MINAR1: variants seen among roughly 807,000 people sequenced by gnomAD.
MINAR1 encodes membrane integral NOTCH2 associated receptor 1.
MINAR1 carries 40 observed loss-of-function variants against 65.1 expected under a neutral mutation model. The ratio of observed to expected loss-of-function variants is 0.61; its 90% CI spans 0.48 to 0.80. The LOEUF is 0.80. Among genes scored for constraint, MINAR1 ranks in the 30% least tolerant of loss-of-function variants. MINAR1 has a pLI of 0.00. For synonymous variants in MINAR1, 482 were observed against 449.1 expected, an observed-to-expected ratio of 1.07 and a Z score of -0.93; for missense variants, 1,128 against 1,148.0, an observed-to-expected ratio of 0.98 and a Z score of 0.25.
intron 2 of MINAR1, among the ~76,000 whole-genome samples, chr15:79,458,822 G>A (rs1421023312): frequency 6.6e-6 from 1 of 152,172 alleles, no homozygotes; most frequent in Non-Finnish European, 1.5e-5. Context: ...GTACACGAGG[G>A]AAAATACTGA....
intron 1 of MINAR1, among the ~76,000 whole-genome samples, chr15:79,444,544 A>G (rs1894957491): frequency 6.6e-6 from 1 of 151,914 alleles, no homozygotes; most frequent in African/African-American, 2.4e-5. Context: ...TCAACCTTTT[A>G]TTCCACTATT....
chr15:79,442,039 A>T (rs190355448), intron 1 of MINAR1, among the ~76,000 whole-genome samples: 17 of 144,412 alleles, frequency 1.2e-4, no homozygotes, highest in Admixed American at 1.1e-3. Context: ...TGTTTTTTCA[A>T]GGTTTTTTTA....
chr15:79,449,710 ACTT>A (rs551316797), intron 1 of MINAR1, among the ~76,000 whole-genome samples: 63 of 152,294 alleles, frequency 4.1e-4, no homozygotes, highest in Admixed American at 1.6e-3. Context: ...TAAAGGTCCT[ACTT>A]CTTAAAACTA....
At chr15:79,449,858 G>A (rs1013486730) in intron 1 of MINAR1, among the ~76,000 whole-genome samples, 9 of 152,112 alleles carry the variant, frequency 5.9e-5, no homozygotes, top group African/African-American at 1.9e-4. Flanking sequence ...GCCCTGTACC[G>A]TCATGCCTTC....
chr15:79,463,386 G>T lies in MINAR1; in HGVS notation c.2553+65G>T, dbSNP rs1051853838. ...GTGCCCTGGCAAATGCCCTGGAATG[G>T]ATCACGGACGGCTTAGACCGGCCAG... is the stretch of plus-strand genomic sequence containing the variant. On this transcript the variant is annotated intron_variant, in intron 3 of 3. Transcript: ENST00000305428. 7.0e-6 allele frequency: 11 copies of T among 1,578,344 alleles called. No homozygotes were observed. The African/African-American group carries it at 1.3e-4, about 19-fold the overall frequency.
chr15:79,463,133 G>T lies in MINAR1; in HGVS notation c.2365G>T (p.Val789Leu), dbSNP rs573792949. 3 of 1,614,052 alleles carry T rather than the reference G, an allele frequency of 1.9e-6. No individual in the cohort carries two copies. The African/African-American group carries it at 4.0e-5, about 22-fold the overall frequency. Residue 789 changes from valine (V) to leucine (L), a missense_variant, in exon 3 of 4, where the codon GTG becomes TTG. Physicochemically the swap from Val to Leu is conservative, Grantham distance 32. Transcript: ENST00000305428. Reference protein sequence around the residue: ...LPKQPKDGFLVEQVFSPHPYP... With the variant: ...LPKQPKDGFLLEQVFSPHPYP... ...CAAGCAGCCCAAAGATGGCTTCCTGGTGGAGCAGGTGTTCAGCCCTCACCC... is the reference window on the plus strand; with the variant it reads ...CAAGCAGCCCAAAGATGGCTTCCTGTTGGAGCAGGTGTTCAGCCCTCACCC...
chr15:79,457,439 A>G lies in MINAR1; in HGVS notation c.1292A>G (p.Lys431Arg). 6.2e-7 allele frequency: 1 copy of G among 1,614,236 alleles called. No homozygotes were observed. Among genetic ancestry groups the G allele is most frequent in the Non-Finnish European group, 8.5e-7 (1 of 1,180,046 alleles). ...ATTCTCCCCATTGCTTATGCGGCAA[A>G]ACAAAATGGGCTCAAATCTAAAGAG... The part of the protein sequence containing the change: ...QPILPIAYAA[K>R]QNGLKSKEIS... Residue 431 changes from lysine (K) to arginine (R), a missense_variant, in exon 2 of 4, where the codon AAA becomes AGA. Transcript: ENST00000305428.
At chr15:79,435,908 C>G (rs1026541840) in intron 1 of MINAR1, among the ~76,000 whole-genome samples, 2 of 152,222 alleles carry the variant, frequency 1.3e-5, no homozygotes, top group Non-Finnish European at 2.9e-5. Flanking sequence ...TTCTGGCTGT[C>G]TCTGCTTCTG....
chr15:79,435,548 G>A (rs1004839734), intron 1 of MINAR1, among the ~76,000 whole-genome samples: 3 of 152,224 alleles, frequency 2.0e-5, no homozygotes, highest in East Asian at 1.9e-4. Flanking sequence ...CCCCTACAAT[G>A]TCAGCTCTGG....
At position 79,457,456 on chromosome 15, in the gene MINAR1, T is replaced by G. The variant is rs1425744853; in HGVS notation, c.1309T>G (p.Ser437Ala). The G allele has an allele frequency of 8.1e-6, 13 of 1,614,118 alleles. No individual in the cohort carries two copies. The highest frequency in any genetic ancestry group is 1.1e-5 in the South Asian group (1 of 91,076). ...TGCGGCAAAACAAAATGGGCTCAAA[T>G]CTAAAGAGATCTCATCCCCTGTTGA... Reference protein sequence around the residue: ...AYAAKQNGLKSKEISSPVDLE... With the variant: ...AYAAKQNGLKAKEISSPVDLE... Residue 437 changes from serine to alanine, a missense_variant, in exon 2 of 4, where the codon TCT (serine) becomes GCT (alanine). Transcript: ENST00000305428.
At position 79,468,337 on chromosome 15, in the gene MINAR1, A is replaced by G; in HGVS notation, c.2704A>G (p.Thr902Ala). ...TGCTCTGATCGCTGCTGCGGCATGC[A>G]CCGTCATCCTCGTTATTGTCGTGCC... ...IAALIAAAAC[T>A]VILVIVVPIC... is the part of the protein sequence containing the mutation. The change falls in exon 4 of 4, where the codon ACC becomes GCC. Residue 902 changes from threonine to alanine, a missense_variant. Thr to Ala is a moderately conservative substitution (Grantham distance 58). Coordinates refer to ENST00000305428, the MANE Select transcript of MINAR1 (RefSeq NM_015206.3). 1.2e-6 allele frequency: 2 copies of G among 1,614,158 alleles called. No homozygotes were observed. The highest frequency in any genetic ancestry group is 4.5e-5 in the East Asian group (2 of 44,886).
In MINAR1 at chr15:79,469,091, A is replaced by G. The variant is rs1057319159; in HGVS notation, c.*707A>G. ...CATGATGGGCCAAGGTATTCAGGCC[A>G]GGAGACCTCGTCCTCAATCCAAAGT... On this transcript the variant is annotated 3_prime_UTR_variant, in exon 4 of 4. Coordinates refer to ENST00000305428, the MANE Select transcript of MINAR1 (RefSeq NM_015206.3). The G allele has an allele frequency of 2.6e-5, 4 of 152,982 alleles. No homozygotes were observed. Among genetic ancestry groups the G allele is most frequent in the African/African-American group, 9.6e-5 (4 of 41,474 alleles). 9.5% of individuals were successfully genotyped at this position (152,982 alleles called of 1,614,324 possible). A position where few individuals can be genotyped will look rare whatever the true frequency, so the allele number is the denominator to read the frequency against.
At chr15:79,455,006 C>T (rs1021110879) in intron 1 of MINAR1, among the ~76,000 whole-genome samples, 6 of 152,244 alleles carry the variant, frequency 3.9e-5, no homozygotes, top group African/African-American at 1.2e-4. Context: ...CTGCAATTTA[C>T]TCTGAAGTGA....
At chr15:79,452,953 G>A (rs1013986212) in intron 1 of MINAR1, among the ~76,000 whole-genome samples, 2 of 151,550 alleles carry the variant, frequency 1.3e-5, no homozygotes, top group African/African-American at 2.4e-5. Context: ...GTGTATGGGT[G>A]AGTCTGTGTG....
chr15:79,429,196 A>G (rs1894385155), upstream of MINAR1, among the ~76,000 whole-genome samples: 1 of 152,202 alleles, frequency 6.6e-6, no homozygotes, highest in African/African-American at 2.4e-5. Context: ...TGAATAGGAC[A>G]CTTATTGAGA....
rs1472172079 is a variant in MINAR1 at position 79,458,149 on chromosome 15, A to G, written c.2002A>G (p.Ser668Gly). The G allele has an allele frequency of 1.9e-6, 3 of 1,614,170 alleles. No homozygotes were observed. The East Asian group carries it at 6.7e-5, about 36-fold the overall frequency. ...SASPRMFHAH[S>G]GSHGPKLENN... is the part of the protein sequence containing the mutation. ...CTCTCCCCGGATGTTCCACGCACAC[A>G]GTGGCTCCCACGGACCCAAACTAGA... The change falls in exon 2 of 4, where the codon AGT (serine) becomes GGT (glycine). Residue 668 changes from serine to glycine, a missense_variant. Transcript: ENST00000305428.
chr15:79,452,702 G>A (rs1895265389), intron 1 of MINAR1, among the ~76,000 whole-genome samples: 2 of 99,486 alleles, frequency 2.0e-5, no homozygotes, highest in South Asian at 5.8e-4. Context: ...GTGGGTGTCT[G>A]GATGAGTGTG....
intron 1 of MINAR1, among the ~76,000 whole-genome samples, chr15:79,451,463 T>TTG (rs1895198439): frequency 6.6e-6 from 1 of 151,934 alleles, no homozygotes; most frequent in African/African-American, 2.4e-5. Context: ...CGGGAGGATG[T>TTG]GGGCAGCCGA....
In MINAR1 at chr15:79,458,346, G is replaced by A; in HGVS notation, c.2199G>A (p.Trp733Ter). Residue 733 changes from tryptophan to a stop codon, truncating the protein, a stop_gained, in exon 2 of 4, where the codon TGG (tryptophan) becomes TGA (stop). Transcript: ENST00000305428. LOFTEE classifies it high-confidence loss of function. ...GCATCTCCAACTCGCCCAGAGACTGGCGCACCATCACTTATACCAACCGTG... is the reference window on the plus strand; with the variant it reads ...GCATCTCCAACTCGCCCAGAGACTGACGCACCATCACTTATACCAACCGTG... ...IASISNSPRDWRTITYTNRVG... is the reference protein window; with the variant it reads ...IASISNSPRD 3.1e-6 allele frequency: 5 copies of A among 1,614,178 alleles called. No homozygotes were observed. Among genetic ancestry groups the A allele is most frequent in the Non-Finnish European group, 2.5e-6 (3 of 1,180,040 alleles).
Sources: gnomAD v4.1 joint callset for allele counts (sites outside exome capture counted in the v4.1 genomes callset) on GRCh38, gnomAD v4.1.1 for gene constraint, MANE v1.5 for transcripts, NCBI Gene and HGNC (gene_info 2026-07-23, HGNC 2026-07-21) for gene names.